Variants in GRIA1 observed in about 807,000 individuals in gnomAD.
The protein encoded by GRIA1 is glutamate receptor 1.
A neutral mutation model predicts 99.2 loss-of-function variants in GRIA1; 31 were observed. The observed-to-expected ratio is 0.31, with a 90% CI of 0.23 to 0.42. The LOEUF is 0.42. Ranked by LOEUF, GRIA1 falls within the 10% of genes least tolerant of loss-of-function variation. GRIA1 has a pLI of 1.00. For synonymous variants in GRIA1, 438 were observed against 432.4 expected (o/e 1.01, Z -0.16); for missense variants, 782 against 1,157.5 (o/e 0.68, Z 4.71).
intron 2 of GRIA1, among the ~76,000 whole-genome samples, chr5:153,533,139 A>G (rs1366091904): frequency 6.6e-6 from 1 of 152,180 alleles, no homozygotes; most frequent in African/African-American, 2.4e-5. Context: ...AGCTGACCTT[A>G]AAGATACCTT....
chr5:153,707,449 TGA>T (rs1449384393), intron 11 of GRIA1, among the ~76,000 whole-genome samples: 1 of 152,216 alleles, frequency 6.6e-6, no homozygotes, highest in African/African-American at 2.4e-5. Flanking sequence ...CCAATTTGCC[TGA>T]TAAATAAGCA....
chr5:153,512,645 C>T (rs1057374727), intron 2 of GRIA1, among the ~76,000 whole-genome samples: 5 of 152,206 alleles, frequency 3.3e-5, no homozygotes, highest in African/African-American at 9.6e-5. Context: ...GGTCCTTTTG[C>T]AGAATTGCTT....
chr5:153,605,771 T>A (rs1323753157), intron 2 of GRIA1, among the ~76,000 whole-genome samples: 1 of 152,246 alleles, frequency 6.6e-6, no homozygotes, highest in Non-Finnish European at 1.5e-5. Context: ...CTTATTGAAA[T>A]GCTGATATGC....
chr5:153,508,551 C>T (rs1755758420), intron 2 of GRIA1, among the ~76,000 whole-genome samples: 1 of 151,888 alleles, frequency 6.6e-6, no homozygotes, highest in Non-Finnish European at 1.5e-5. Flanking sequence ...AGGAAAGAGA[C>T]AGGGTATTTT....
chr5:153,523,212 A>G (rs551120021), intron 2 of GRIA1, among the ~76,000 whole-genome samples: 1 of 152,232 alleles, frequency 6.6e-6, no homozygotes, highest in South Asian at 2.1e-4. Flanking sequence ...TTTTTCTCCC[A>G]CTTTTCTCTA....
intron 2 of GRIA1, among the ~76,000 whole-genome samples, chr5:153,526,837 T>C (rs1412962010): frequency 1.3e-5 from 2 of 152,214 alleles, no homozygotes; most frequent in African/African-American, 4.8e-5. Flanking sequence ...CCTGCTGAGC[T>C]CAGCCACTTA....
chr5:153,540,418 A>G (rs959140199), intron 2 of GRIA1, among the ~76,000 whole-genome samples: 1 of 152,164 alleles, frequency 6.6e-6, no homozygotes, highest in African/African-American at 2.4e-5. Flanking sequence ...CTGCCTCCTA[A>G]TGAAACACAT....
At chr5:153,790,314 C>T (rs1254233015) in intron 13 of GRIA1, among the ~76,000 whole-genome samples, 5 of 152,204 alleles carry the variant, frequency 3.3e-5, no homozygotes, top group Admixed American at 2.6e-4. Context: ...TGACCAATCT[C>T]TTATTTGCGT....
At chr5:153,728,079 C>T (rs1309943185) in intron 11 of GRIA1, among the ~76,000 whole-genome samples, 1 of 151,156 alleles carries the variant, frequency 6.6e-6, no homozygotes, top group Admixed American at 6.6e-5. Context: ...AATAATGCCG[C>T]ATATCTACAA....
Position 153,811,327 on chromosome 5 carries a change from A to C in GRIA1, c.*102A>C, listed in dbSNP as rs756915675. 5.3e-6 allele frequency: 4 copies of C among 749,904 alleles called. No individual in the cohort carries two copies. Among genetic ancestry groups the C allele is most frequent in the Non-Finnish European group, 9.3e-6 (4 of 429,918 alleles). The allele number at this position is 749,904 out of a possible 1,614,324, so 46.5% of individuals were successfully genotyped here. On this transcript the variant is annotated 3_prime_UTR_variant, in exon 16 of 16. Transcript: ENST00000285900. ...AACAACAAAATGAAACGCAACCACCACCAACCACTGCGACCACAAGAAGGA... is the reference window on the plus strand; with the variant it reads ...AACAACAAAATGAAACGCAACCACCCCCAACCACTGCGACCACAAGAAGGA...
At chr5:153,784,729 G>C (rs1352873048) in intron 13 of GRIA1, among the ~76,000 whole-genome samples, 2 of 152,168 alleles carry the variant, frequency 1.3e-5, no homozygotes, top group African/African-American at 4.8e-5. Context: ...AGTCAGCGGA[G>C]TCCTATGGGG....
chr5:153,583,825 G>T (rs537592209), intron 2 of GRIA1, among the ~76,000 whole-genome samples: 1 of 152,272 alleles, frequency 6.6e-6, no homozygotes, highest in Non-Finnish European at 1.5e-5. Flanking sequence ...GAAACTGAGG[G>T]CTGGGAAAGG....
intron 15 of GRIA1, among the ~76,000 whole-genome samples, chr5:153,804,724 AATTAATTAATTT>A (rs1246479261): frequency 0.014 from 1,065 of 78,464 alleles, 16 homozygotes; most frequent in African/African-American, 0.052. Flanking sequence ...TTAATTAATT[AATTAATTAATTT>A]ATTTATTTAT....
chr5:153,631,215 A>G (rs1364528436), intron 2 of GRIA1, among the ~76,000 whole-genome samples: 1 of 152,244 alleles, frequency 6.6e-6, no homozygotes, highest in Non-Finnish European at 1.5e-5. Flanking sequence ...AAATGATTAG[A>G]TACAGTGTTG....
At chr5:153,737,341 A>G (rs1761455591) in intron 11 of GRIA1, among the ~76,000 whole-genome samples, 1 of 151,386 alleles carries the variant, frequency 6.6e-6, no homozygotes, top group Non-Finnish European at 1.5e-5. Flanking sequence ...TCCACATATG[A>G]AACAATTTGG....
intron 2 of GRIA1, among the ~76,000 whole-genome samples, chr5:153,608,144 G>A (rs1470739822): frequency 6.6e-6 from 1 of 152,174 alleles, no homozygotes; most frequent in South Asian, 2.1e-4. Context: ...TCTTTTGACA[G>A]TAATCTGTCT....
chr5:153,650,339 T>C lies in GRIA1; in HGVS notation c.470T>C (p.Val157Ala), dbSNP rs1399813444. 1 of 1,613,600 alleles carries C rather than the reference T, an allele frequency of 6.2e-7. No individual in the cohort carries two copies. The highest frequency in any genetic ancestry group is 8.5e-7 in the Non-Finnish European group (1 of 1,179,768). Reference sequence around the variant, plus strand: ...CTCATCTGAACTTTAGGCTTATCCGTCCTGCAGAAAGTCCTGGATACAGCT... The same window carrying C: ...CTCATCTGAACTTTAGGCTTATCCGCCCTGCAGAAAGTCCTGGATACAGCT... The part of the protein sequence containing the change: ...YIYDADRGLS[V>A]LQKVLDTAAE... The change falls in exon 4 of 16, where the codon GTC (valine) becomes GCC (alanine). Residue 157 changes from valine (V) to alanine (A), a missense_variant. Val to Ala is a moderately conservative substitution (Grantham distance 64). Coordinates refer to ENST00000285900, the MANE Select transcript of GRIA1 (RefSeq NM_000827.4).
At chr5:153,579,005 T>TGTC (rs374276688) in intron 2 of GRIA1, among the ~76,000 whole-genome samples, 16,081 of 152,172 alleles carry the variant, frequency 0.11, 933 homozygotes, top group South Asian at 0.25. Context: ...AAACTACTGA[T>TGTC]TGTCCTTCCA....
chr5:153,764,311 T>C (rs1763371394), intron 11 of GRIA1, 123 bp from the exon 12 acceptor site: 2 of 705,304 alleles, frequency 2.8e-6, no homozygotes, highest in Admixed American at 4.2e-5. Flanking sequence ...TGCTGACAGA[T>C]GAGAAGGGTG....
Sources: gnomAD v4.1 joint callset for allele counts (sites outside exome capture counted in the v4.1 genomes callset) on GRCh38, gnomAD v4.1.1 for gene constraint, MANE v1.5 for transcripts, NCBI Gene and HGNC (gene_info 2026-07-23, HGNC 2026-07-21) for gene names.